BRIP1: variants seen among roughly 807,000 people sequenced by gnomAD.
BRIP1 encodes the protein BRCA1 interacting DNA helicase 1.
BRIP1 carries 88 observed loss-of-function variants against 119.7 expected under a neutral mutation model. The observed-to-expected ratio is 0.74, with a 90% CI of 0.62 to 0.88. The LOEUF (loss-of-function observed/expected upper bound fraction) is 0.88, where lower values mean the gene tolerates loss of function less well. BRIP1 is among the 40% of genes least tolerant of loss of function. BRIP1 has a pLI of 0.00. For missense variants in BRIP1, 1,259 were observed against 1,455.4 expected (o/e 0.87, Z 2.20); for synonymous variants, 443 against 496.5 (o/e 0.89, Z 1.43).
Position 61,776,983 on chromosome 17 carries a change from C to T in BRIP1, c.1936-421G>A, listed in dbSNP as rs1025824691. The stretch of plus-strand genomic sequence containing the variant: ...AGGCAAGTCTCAAAAATGACAGGAA[C>T]TACTCTTTCAAAAATTCATTGGTGC... On this transcript the variant is annotated intron_variant, in intron 13 of 19. Coordinates refer to ENST00000259008, the MANE Select transcript of BRIP1 (RefSeq NM_032043.3). This position sits in a 1 kb window ranked among gnomAD's most constrained non-coding sequence, Gnocchi z 5.0. Among the ~76,000 whole-genome samples, 1 of 152,174 alleles carries T rather than the reference C, an allele frequency of 6.6e-6. No individual in the cohort carries two copies. The highest frequency in any genetic ancestry group is 1.5e-5 in the Non-Finnish European group (1 of 68,030).
In BRIP1 at chr17:61,744,104, A is replaced by G. The variant is rs1325507757; in HGVS notation, c.2257+328T>C. ...AAGCACCAAGTGTACTAAATGCATC[A>G]GAATATAGGTCTCATTTGGCTAGTA... On this transcript the variant is annotated intron_variant, in intron 15 of 19. Transcript: ENST00000259008. This position sits in a 1 kb window ranked among gnomAD's most constrained non-coding sequence, Gnocchi z 5.0. Among the ~76,000 whole-genome samples the G allele has an allele frequency of 6.6e-6, 1 of 152,216 alleles. No homozygotes were observed. Among genetic ancestry groups the G allele is most frequent in the East Asian group, 1.9e-4 (1 of 5,194 alleles).
chr17:61,807,464 T>C lies in BRIP1; in HGVS notation c.918+1003A>G, dbSNP rs1395615396. On this transcript the variant is annotated intron_variant, in intron 7 of 19. Coordinates refer to ENST00000259008, the MANE Select transcript of BRIP1 (RefSeq NM_032043.3). This position sits in a 1 kb window ranked among gnomAD's most constrained non-coding sequence, Gnocchi z 4.5. The stretch of plus-strand genomic sequence containing the variant: ...TATACTTTATAATCTCGTTTGAATA[T>C]CTGTTAAAGTATCTTTTGACCATCC... 2.0e-5 allele frequency among the ~76,000 whole-genome samples: 3 copies of C among 152,194 alleles called. No homozygotes were observed. Among genetic ancestry groups the C allele is most frequent in the Non-Finnish European group, 4.4e-5 (3 of 68,016 alleles).
rs2078128271 is a variant in BRIP1 at position 61,809,380 on chromosome 17, T to G, written c.628-623A>C. Among the ~76,000 whole-genome samples, 3 of 152,284 alleles carry G rather than the reference T, an allele frequency of 2.0e-5. No homozygotes were observed. In the South Asian group the frequency reaches 6.2e-4, roughly 32 times the overall value. On this transcript the variant is annotated intron_variant, in intron 6 of 19. Coordinates refer to ENST00000259008, the MANE Select transcript of BRIP1 (RefSeq NM_032043.3). This position sits in a 1 kb window ranked among gnomAD's most constrained non-coding sequence, Gnocchi z 5.2. The stretch of plus-strand genomic sequence containing the variant: ...TGGAACAAGTATATCTGAAATTCAG[T>G]TACCTGTCATGGAGTGTAAACCAAT...
At chr17:61,812,519 C>G (rs2078178120) in intron 6 of BRIP1, among the ~76,000 whole-genome samples, 1 of 151,722 alleles carries the variant, frequency 6.6e-6, no homozygotes, top group Non-Finnish European at 1.5e-5. Context: ...GCTTCTTCTC[C>G]AAGCTAGAAA....
intron 13 of BRIP1, among the ~76,000 whole-genome samples, chr17:61,777,425 A>T (rs1337134346): frequency 6.6e-6 from 1 of 152,150 alleles, no homozygotes; most frequent in Non-Finnish European, 1.5e-5. Flanking sequence ...GATACTATCT[A>T]CTGGGAGATG....
At position 61,689,026 on chromosome 17, in the gene BRIP1, C is replaced by CTGTTCTGTTATGTTATGTTATGTTA. The variant is rs2061404237; in HGVS notation, c.2576-2862_2576-2861insTAACATAACATAACATAACAGAACA. ...TACTTTATTTTATATATTTTATATTCTGTTATGTTATGTTATGTTATGTTA... is the reference window on the plus strand; with the variant it reads ...TACTTTATTTTATATATTTTATATTCTGTTCTGTTATGTTATGTTATGTTATGTTATGTTATGTTATGTTATGTTA... On this transcript the variant is annotated intron_variant, in intron 18 of 19. Transcript: ENST00000259008. The surrounding 1 kb of genome is among the most constrained non-coding windows in gnomAD (Gnocchi z 4.5). 9.6e-5 allele frequency among the ~76,000 whole-genome samples: 14 copies of CTGTTCTGTTATGTTATGTTATGTTA among 145,704 alleles called. No individual in the cohort carries two copies. The South Asian group carries it at 1.8e-3, about 18-fold the overall frequency.
intron 10 of BRIP1, among the ~76,000 whole-genome samples, chr17:61,787,199 T>C (rs1354246068): frequency 1.3e-5 from 1 of 76,470 alleles, no homozygotes; most frequent in Non-Finnish European, 2.1e-5. Flanking sequence ...ATATACTATA[T>C]AAAATATATA....
rs754429592 is a variant in BRIP1 at position 61,801,211 on chromosome 17, C to T, written c.1140+42G>A. On this transcript the variant is annotated intron_variant, in intron 8 of 19. Transcript: ENST00000259008. ...CTTTTACATTCAACATTTACATCTC[C>T]ATGAGTAGGAAGAAGGTTCTCATTT... 6 of 1,541,022 alleles carry T rather than the reference C, an allele frequency of 3.9e-6. No individual in the cohort carries two copies. In the South Asian group the frequency reaches 6.7e-5, roughly 17 times the overall value.
In BRIP1 at chr17:61,680,219, G is replaced by A. The variant is rs922705829; in HGVS notation, c.*3077C>T. Reference sequence around the variant, plus strand: ...AAAAAAAAATTAGCTGGGTGCAGTGGTGTACACCTGTAATCCCAGCTACGC... The same window carrying A: ...AAAAAAAAATTAGCTGGGTGCAGTGATGTACACCTGTAATCCCAGCTACGC... On this transcript the variant is annotated 3_prime_UTR_variant, in exon 20 of 20. Transcript: ENST00000259008. Among the ~76,000 whole-genome samples, 4 of 151,292 alleles carry A rather than the reference G, an allele frequency of 2.6e-5. No individual in the cohort carries two copies. The highest frequency in any genetic ancestry group is 9.7e-5 in the African/African-American group (4 of 41,204).
At position 61,738,682 on chromosome 17, in the gene BRIP1, C is replaced by G. The variant is rs1350502667; in HGVS notation, c.2379+4331G>C. 6.6e-6 allele frequency among the ~76,000 whole-genome samples: 1 copy of G among 151,976 alleles called. No individual in the cohort carries two copies. The highest frequency in any genetic ancestry group is 1.5e-5 in the Non-Finnish European group (1 of 68,008). On this transcript the variant is annotated intron_variant, in intron 16 of 19. Transcript: ENST00000259008. This position sits in a 1 kb window ranked among gnomAD's most constrained non-coding sequence, Gnocchi z 4.2. ...ATGTTCAAAATCATAGCTGTTGAGG[C>G]AAAGGTGGAGAAAAGAGAAATGGAA...
At chr17:61,787,711 T>C (rs531777350) in intron 10 of BRIP1, among the ~76,000 whole-genome samples, 61 of 152,104 alleles carry the variant, frequency 4.0e-4, no homozygotes, top group African/African-American at 1.4e-3. Context: ...GTGGCGCGAT[T>C]TCGGCTCACT....
chr17:61,777,034 A>T (rs1364569793), intron 13 of BRIP1, among the ~76,000 whole-genome samples: 3 of 152,194 alleles, frequency 2.0e-5, no homozygotes, highest in Non-Finnish European at 4.4e-5. Flanking sequence ...CATAGAAAAA[A>T]ATCACACCCA....
Position 61,796,571 on chromosome 17 carries a change from G to T in BRIP1, c.1340+2529C>A, listed in dbSNP as rs904977026. 6.6e-6 allele frequency among the ~76,000 whole-genome samples: 1 copy of T among 152,036 alleles called. No homozygotes were observed. Among genetic ancestry groups the T allele is most frequent in the African/African-American group, 2.4e-5 (1 of 41,396 alleles). ...TCAAAAATGAGTTCACTGTAGGTGT[G>T]TGGATTTGTTTCTGAGTTCTCTATT... is the stretch of plus-strand genomic sequence containing the variant. On this transcript the variant is annotated intron_variant, in intron 9 of 19. Transcript: ENST00000259008. This position sits in a 1 kb window ranked among gnomAD's most constrained non-coding sequence, Gnocchi z 4.8.
At chr17:61,737,194 G>C (rs1476717128) in intron 16 of BRIP1, among the ~76,000 whole-genome samples, 1 of 152,090 alleles carries the variant, frequency 6.6e-6, no homozygotes, top group Non-Finnish European at 1.5e-5. Context: ...AAAACAAATA[G>C]CTACATAGCA....
In BRIP1 at chr17:61,799,544, C is replaced by T. The variant is rs915917664; in HGVS notation, c.1141-245G>A. The stretch of plus-strand genomic sequence containing the variant: ...TACTTTGCAAACCTATCGACAGCAA[C>T]AAAAATATGTCAGTGAGTCTGGATC... On this transcript the variant is annotated intron_variant, in intron 8 of 19. Coordinates refer to ENST00000259008, the MANE Select transcript of BRIP1 (RefSeq NM_032043.3). This position sits in a 1 kb window ranked among gnomAD's most constrained non-coding sequence, Gnocchi z 5.1. Among the ~76,000 whole-genome samples the T allele has an allele frequency of 2.0e-5, 3 of 151,990 alleles. No homozygotes were observed. Among genetic ancestry groups the T allele is most frequent in the Admixed American group, 2.0e-4 (3 of 15,240 alleles).
intron 6 of BRIP1, among the ~76,000 whole-genome samples, chr17:61,818,668 G>C (rs2078274067): frequency 1.3e-5 from 2 of 152,092 alleles, no homozygotes; most frequent in Admixed American, 1.3e-4. Flanking sequence ...CCAATGAGGG[G>C]AATTATATCT....
rs1265572171 is a variant in BRIP1, at chr17:61,842,823, G to T, written c.627+4278C>A. 1.3e-5 allele frequency among the ~76,000 whole-genome samples: 2 copies of T among 152,048 alleles called. No individual in the cohort carries two copies. Among genetic ancestry groups the T allele is most frequent in the East Asian group, 3.8e-4 (2 of 5,198 alleles). Reference sequence around the variant, plus strand: ...ATCAACTTGTTTAATCCTCCTAACGGCCCCGTGAGATAGGTACTATTACTA... The same window carrying T: ...ATCAACTTGTTTAATCCTCCTAACGTCCCCGTGAGATAGGTACTATTACTA... On this transcript the variant is annotated intron_variant, in intron 6 of 19. Coordinates refer to ENST00000259008, the MANE Select transcript of BRIP1 (RefSeq NM_032043.3). The surrounding 1 kb of genome is among the most constrained non-coding windows in gnomAD (Gnocchi z 5.1).
At position 61,689,130 on chromosome 17, in the gene BRIP1, G is replaced by A. The variant is rs943458171; in HGVS notation, c.2576-2965C>T. ...GCCATCTCGGCTCACTGAAACCTCC[G>A]CCTCCCTGATTCAAGCGATTCTCCT... On this transcript the variant is annotated intron_variant, in intron 18 of 19. Transcript: ENST00000259008. This position sits in a 1 kb window ranked among gnomAD's most constrained non-coding sequence, Gnocchi z 4.5. Among the ~76,000 whole-genome samples, 2 of 151,676 alleles carry A rather than the reference G, an allele frequency of 1.3e-5. No individual in the cohort carries two copies. The highest frequency in any genetic ancestry group is 2.1e-4 in the South Asian group (1 of 4,798).
rs1007708138 is a variant in BRIP1 at position 61,787,606 on chromosome 17, T to G, written c.1474-3182A>C. 1.2e-4 allele frequency among the ~76,000 whole-genome samples: 18 copies of G among 151,396 alleles called. No individual in the cohort carries two copies. The East Asian group carries it at 3.1e-3, about 26-fold the overall frequency. Reference sequence around the variant, plus strand: ...GGTGCAATACTAGTAATTCCTCCTTTAAGCAACAAAACCAAGATGTCTTTT... The same window carrying G: ...GGTGCAATACTAGTAATTCCTCCTTGAAGCAACAAAACCAAGATGTCTTTT... On this transcript the variant is annotated intron_variant, in intron 10 of 19. Transcript: ENST00000259008.
Sources: allele counts gnomAD v4.1 joint callset (sites outside exome capture counted in the v4.1 genomes callset), GRCh38; gene constraint gnomAD v4.1.1; non-coding constraint Gnocchi (gnomAD v3.1); transcripts MANE v1.5; gene names NCBI Gene and HGNC (gene_info 2026-07-23, HGNC 2026-07-21).